The following EDA variants were observed in gnomAD, a reference collection of about 807,000 sequenced individuals.
The protein encoded by EDA is ectodysplasin A.
Under a neutral mutation model 23.6 loss-of-function variants are expected in EDA, and 2 were observed. That is an observed-to-expected ratio of 0.08 (90% CI 0.03 to 0.27). The LOEUF (loss-of-function observed/expected upper bound fraction) is 0.27, where lower values mean the gene tolerates loss of function less well. Ranked by LOEUF, EDA falls within the 10% of genes least tolerant of loss-of-function variation. EDA has a pLI of 1.00. For missense variants in EDA, 229 were observed against 324.2 expected, an observed-to-expected ratio of 0.71 and a Z score of 2.26; for synonymous variants, 131 against 132.0, an observed-to-expected ratio of 0.99 and a Z score of 0.05.
At chrX:69,968,495 G>A (rs1160263163) in intron 2 of EDA, among the ~76,000 whole-genome samples, 1 of 111,682 alleles carries the variant, frequency 9.0e-6, no homozygotes, top group Non-Finnish European at 1.9e-5. Flanking sequence ...CAGAGAAAAT[G>A]TGACAAGAGG....
intron 2 of EDA, among the ~76,000 whole-genome samples, chrX:70,009,822 G>A (rs776279740): frequency 1.8e-5 from 2 of 111,579 alleles, no homozygotes; most frequent in South Asian, 7.6e-4. Flanking sequence ...CCTGACCTCA[G>A]GTGATCTGCC....
intron 1 of EDA, chrX:69,670,260 A>C (rs2147266453): frequency 2.7e-6 from 1 of 364,955 alleles, no homozygotes; most frequent in South Asian, 4.4e-5. Flanking sequence ...GTTTCTGCTG[A>C]GAAATCCACT....
At chrX:69,797,153 A>G (rs758074734) in intron 1 of EDA, among the ~76,000 whole-genome samples, 1 of 111,415 alleles carries the variant, frequency 9.0e-6, no homozygotes, top group Non-Finnish European at 1.9e-5. Context: ...GGGTTAGAAA[A>G]TGCATTTAGC....
chrX:69,916,129 G>A (rs2018339062), intron 1 of EDA, among the ~76,000 whole-genome samples: 1 of 111,318 alleles, frequency 9.0e-6, no homozygotes, highest in Non-Finnish European at 1.9e-5. Context: ...CTACAAAATG[G>A]GAATAATGAC....
intron 1 of EDA, among the ~76,000 whole-genome samples, chrX:69,630,539 T>C (rs1446071036): frequency 1.8e-5 from 2 of 112,179 alleles, no homozygotes; most frequent in Non-Finnish European, 3.8e-5. Context: ...AGTGTCCTTA[T>C]TTGTAAAATG....
At chrX:69,747,093 G>A (rs759317762) in intron 1 of EDA, among the ~76,000 whole-genome samples, 4 of 111,687 alleles carry the variant, frequency 3.6e-5, no homozygotes, top group Non-Finnish European at 5.6e-5. Flanking sequence ...GTCCTACTGG[G>A]AGAGGCAGGC....
At chrX:69,836,459 G>A (rs1225180981) in intron 1 of EDA, among the ~76,000 whole-genome samples, 1 of 112,428 alleles carries the variant, frequency 8.9e-6, no homozygotes, top group Non-Finnish European at 1.9e-5. Context: ...CCCTCCCCCA[G>A]CCAGGCTGCC....
chrX:69,742,313 A>G (rs2013484373), intron 1 of EDA, among the ~76,000 whole-genome samples: 1 of 111,243 alleles, frequency 9.0e-6, no homozygotes, highest in African/African-American at 3.3e-5. Context: ...CCGTAATCCT[A>G]GGCTGTGAGC....
chrX:69,783,507 A>C (rs2015027904), intron 1 of EDA, among the ~76,000 whole-genome samples: 1 of 98,163 alleles, frequency 1.0e-5, no homozygotes, highest in Non-Finnish European at 2.0e-5. Flanking sequence ...CTCATTGTTC[A>C]ATTCCCACCT....
chrX:69,717,271 C>T (rs979071330), intron 1 of EDA, among the ~76,000 whole-genome samples: 2 of 111,099 alleles, frequency 1.8e-5, no homozygotes, highest in Non-Finnish European at 3.8e-5. Flanking sequence ...GAGTTTTTAA[C>T]ATGAAGGGAT....
chrX:69,849,617 G>C (rs1229694359), intron 1 of EDA, among the ~76,000 whole-genome samples: 2 of 111,813 alleles, frequency 1.8e-5, no homozygotes, highest in Non-Finnish European at 3.8e-5. Context: ...AGTACTTCCT[G>C]CCTATAATTC....
chrX:69,753,623 G>C (rs905873029), intron 1 of EDA, among the ~76,000 whole-genome samples: 10 of 111,406 alleles, frequency 9.0e-5, no homozygotes, highest in African/African-American at 3.3e-4. Context: ...TTCAATTCCT[G>C]GATATCCTTG....
At chrX:69,694,038 A>ATTG (rs1231079720) in intron 1 of EDA, among the ~76,000 whole-genome samples, 7 of 111,817 alleles carry the variant, frequency 6.3e-5, no homozygotes. Flanking sequence ...TTGGTTATAA[A>ATTG]CCATTTTGGC....
At chrX:70,030,290 G>A (rs1224806118) in intron 5 of EDA, among the ~76,000 whole-genome samples, 179 bp from the exon 6 acceptor site, 4 of 112,158 alleles carry the variant, frequency 3.6e-5, no homozygotes, top group African/African-American at 1.3e-4. Context: ...AAGCGGTAGA[G>A]CTACAAAATC....
chrX:69,811,633 GA>G (rs1489816509), intron 1 of EDA, among the ~76,000 whole-genome samples: 1 of 111,806 alleles, frequency 8.9e-6, no homozygotes, highest in African/African-American at 3.2e-5. Flanking sequence ...TGCCCTGCAA[GA>G]GGGGATAATT....
At chrX:69,909,291 G>C (rs930351955) in intron 1 of EDA, among the ~76,000 whole-genome samples, 1 of 111,520 alleles carries the variant, frequency 9.0e-6, no homozygotes, top group Non-Finnish European at 1.9e-5. Flanking sequence ...TTTGTTGGTT[G>C]GTTTGTTTTG....
chrX:69,912,593 T>A (rs749142562), intron 1 of EDA, among the ~76,000 whole-genome samples: 53 of 111,218 alleles, frequency 4.8e-4, no homozygotes, highest in Non-Finnish European at 7.7e-4. Context: ...CCAGGCATAT[T>A]GTCCATGAGC....
chrX:69,739,643 TA>T (rs2013385148), intron 1 of EDA, among the ~76,000 whole-genome samples: 1 of 111,309 alleles, frequency 9.0e-6, no homozygotes, highest in South Asian at 3.7e-4. Context: ...TTTCACTATA[TA>T]TTTTTAATCA....
At chrX:69,966,309 G>A (rs1476605663) in intron 2 of EDA, among the ~76,000 whole-genome samples, 1 of 111,759 alleles carries the variant, frequency 8.9e-6, no homozygotes, top group African/African-American at 3.3e-5. Flanking sequence ...GCCGGGTGCA[G>A]TGGCTCACGC....
Sources: allele counts gnomAD v4.1 joint callset (sites outside exome capture counted in the v4.1 genomes callset), GRCh38; gene constraint gnomAD v4.1.1; transcripts MANE v1.5; gene names NCBI Gene and HGNC (gene_info 2026-07-23, HGNC 2026-07-21).